MVB12B: variants seen among roughly 807,000 people sequenced by gnomAD.
MVB12B encodes ESCRT-I complex subunit MVB12B.
MVB12B carries 16 observed loss-of-function variants against 41.6 expected under a neutral mutation model. The ratio of observed to expected loss-of-function variants is 0.38; its 90% CI spans 0.26 to 0.58. The LOEUF (loss-of-function observed/expected upper bound fraction) is 0.58, where lower values mean the gene tolerates loss of function less well. Among genes scored for constraint, MVB12B ranks in the 20% least tolerant of loss-of-function variants. The pLI, the probability that MVB12B is intolerant of heterozygous loss-of-function variation, is 0.62. For synonymous variants in MVB12B, 133 were observed against 139.7 expected (o/e 0.95, Z 0.34); for missense variants, 274 against 380.2 (o/e 0.72, Z 2.32).
Position 126,488,092 on chromosome 9 carries a change from T to C in MVB12B, c.873+4060T>C, listed in dbSNP as rs114245519. ...AAGTTGCTTCTTTTAGCCACTGAACTCGGCATTGCTCGTGGGAGTTGGGGG... is the reference window on the plus strand; with the variant it reads ...AAGTTGCTTCTTTTAGCCACTGAACCCGGCATTGCTCGTGGGAGTTGGGGG... On this transcript the variant is annotated intron_variant, in intron 9 of 9. Transcript: ENST00000361171. 8.5e-4 allele frequency among the ~76,000 whole-genome samples: 129 copies of C among 152,254 alleles called. 2 individuals are homozygous for C. Among genetic ancestry groups the C allele is most frequent in the Middle Eastern group, 6.8e-3 (2 of 294 alleles).
intron 7 of MVB12B, 130 bp downstream of exon 7, chr9:126,422,078 T>G: frequency 5.9e-6 from 4 of 672,602 alleles, no homozygotes; most frequent in Non-Finnish European, 5.3e-6. Flanking sequence ...AGGGGACCTG[T>G]TCCCTGCAGG....
At chr9:126,476,612 C>T (rs1171792317) in intron 7 of MVB12B, among the ~76,000 whole-genome samples, 2 of 152,158 alleles carry the variant, frequency 1.3e-5, no homozygotes, top group African/African-American at 4.8e-5. Context: ...CGCGGTGGCT[C>T]ACGCCTGTAA....
chr9:126,391,636 G>GT lies in MVB12B; in HGVS notation c.410-430_410-429insT, dbSNP rs1830956442. On this transcript the variant is annotated intron_variant, in intron 4 of 9. Coordinates refer to ENST00000361171, the MANE Select transcript of MVB12B (RefSeq NM_033446.3). The surrounding 1 kb of genome is among the most constrained non-coding windows in gnomAD (Gnocchi z 4.4). ...GTCCATTGTGCACAGCATTGACACT[G>GT]GGTGACGGGAACACGTGGATTCATT... is the stretch of plus-strand genomic sequence containing the variant. Among the ~76,000 whole-genome samples the GT allele has an allele frequency of 6.6e-6, 1 of 152,212 alleles. No homozygotes were observed. Among genetic ancestry groups the GT allele is most frequent in the African/African-American group, 2.4e-5 (1 of 41,452 alleles).
At chr9:126,423,573 T>C (rs954476470) in intron 7 of MVB12B, among the ~76,000 whole-genome samples, 2 of 152,250 alleles carry the variant, frequency 1.3e-5, no homozygotes. Flanking sequence ...TAGTTGAGGC[T>C]ACAGCCCACG....
intron 7 of MVB12B, among the ~76,000 whole-genome samples, chr9:126,450,514 C>A (rs372751495): frequency 6.6e-6 from 1 of 152,188 alleles, no homozygotes. Flanking sequence ...CTGCTCCATC[C>A]CCATGTGAGG....
intron 7 of MVB12B, among the ~76,000 whole-genome samples, chr9:126,466,071 A>G (rs2119183135): frequency 6.6e-6 from 1 of 152,380 alleles, no homozygotes; most frequent in Non-Finnish European, 1.5e-5. Context: ...GTTGCATAAC[A>G]AACCACCCTA....
intron 6 of MVB12B, among the ~76,000 whole-genome samples, chr9:126,398,331 C>G (rs554095890): frequency 6.6e-6 from 1 of 152,194 alleles, no homozygotes; most frequent in South Asian, 2.1e-4. Flanking sequence ...TCCCTGGCAA[C>G]CCCTCCAGAC....
intron 2 of MVB12B, among the ~76,000 whole-genome samples, chr9:126,349,568 T>C (rs997145790): frequency 7.9e-5 from 12 of 152,200 alleles, no homozygotes; most frequent in African/African-American, 2.9e-4. Context: ...AATTCTGGCA[T>C]TTGAAGAATC....
chr9:126,366,957 C>G (rs566903471), intron 2 of MVB12B, among the ~76,000 whole-genome samples: 2 of 152,196 alleles, frequency 1.3e-5, no homozygotes, highest in Non-Finnish European at 2.9e-5. Flanking sequence ...CTTACCACTC[C>G]CAATAGAAGA....
chr9:126,340,692 G>C lies in MVB12B; in HGVS notation c.204+62G>C. On this transcript the variant is annotated intron_variant, in intron 2 of 9. Transcript: ENST00000361171. The surrounding 1 kb of genome is among the most constrained non-coding windows in gnomAD (Gnocchi z 4.0). ...GATTCTACAAGTATTTATCTCCTGT[G>C]TCCAAGACCTTCTGGCCCTTGCGTG... 1 of 1,580,698 alleles carries C rather than the reference G, an allele frequency of 6.3e-7. No homozygotes were observed. Among genetic ancestry groups the C allele is most frequent in the Non-Finnish European group, 8.7e-7 (1 of 1,154,210 alleles).
At chr9:126,456,367 GA>G (rs1230014885) in intron 7 of MVB12B, among the ~76,000 whole-genome samples, 1 of 152,148 alleles carries the variant, frequency 6.6e-6, no homozygotes, top group Non-Finnish European at 1.5e-5. Context: ...GAACTTGTTA[GA>G]ACTAATGGTT....
chr9:126,381,657 G>A (rs928647134), intron 3 of MVB12B, among the ~76,000 whole-genome samples: 3 of 151,616 alleles, frequency 2.0e-5, no homozygotes, highest in African/African-American at 7.3e-5. Context: ...ATTGACTCAT[G>A]TAGATTTCTC....
At chr9:126,406,285 C>T (rs911532029) in intron 6 of MVB12B, among the ~76,000 whole-genome samples, 6 of 152,186 alleles carry the variant, frequency 3.9e-5, no homozygotes, top group South Asian at 2.1e-4. Flanking sequence ...CAAAAATCAC[C>T]GTCCAGCCTG....
intron 7 of MVB12B, among the ~76,000 whole-genome samples, chr9:126,476,708 C>G (rs1833428583): frequency 6.6e-6 from 1 of 151,728 alleles, no homozygotes; most frequent in Non-Finnish European, 1.5e-5. Flanking sequence ...AACCCTGTAT[C>G]TACTAAAAAT....
At chr9:126,328,200 A>G (rs550605922) in intron 1 of MVB12B, among the ~76,000 whole-genome samples, 17 of 152,120 alleles carry the variant, frequency 1.1e-4, no homozygotes, top group Non-Finnish European at 2.2e-4. Flanking sequence ...GTCCTTGGAG[A>G]TACTGTACCA....
Position 126,505,330 on chromosome 9 carries a change from C to G in MVB12B, c.*2067C>G, listed in dbSNP as rs1834043164. On this transcript the variant is annotated 3_prime_UTR_variant, in exon 10 of 10. Transcript: ENST00000361171. The stretch of plus-strand genomic sequence containing the variant: ...GCTGCAGGAGAGGAAGGGGCTCCCA[C>G]AGCCCCCACTGATGCCGCTGCAGGC... 6.6e-6 allele frequency: 1 copy of G among 152,182 alleles called. No homozygotes were observed. Among genetic ancestry groups the G allele is most frequent in the Admixed American group, 6.5e-5 (1 of 15,292 alleles). The allele number at this position is 152,182 out of a possible 1,614,324, so 9.4% of individuals were successfully genotyped here.
At chr9:126,423,095 T>C (rs1183233950) in intron 7 of MVB12B, among the ~76,000 whole-genome samples, 2 of 152,208 alleles carry the variant, frequency 1.3e-5, no homozygotes, top group African/African-American at 4.8e-5. Flanking sequence ...TGTGGAAAGA[T>C]GACCTATTTT....
chr9:126,446,939 T>A (rs1379624316), intron 7 of MVB12B, among the ~76,000 whole-genome samples: 1 of 4,678 alleles, frequency 2.1e-4, no homozygotes, highest in South Asian at 0.022. Context: ...TTTAACTTTC[T>A]TTTTTTTTTT....
intron 7 of MVB12B, among the ~76,000 whole-genome samples, chr9:126,466,868 C>T (rs1439681247): frequency 1.3e-5 from 2 of 152,038 alleles, no homozygotes; most frequent in East Asian, 1.9e-4. Context: ...GGCTCTATCG[C>T]CCAGGCTGGA....
Sources: gnomAD v4.1 joint callset for allele counts (sites outside exome capture counted in the v4.1 genomes callset) on GRCh38, gnomAD v4.1.1 for gene constraint, Gnocchi (gnomAD v3.1) non-coding constraint, MANE v1.5 for transcripts, NCBI Gene and HGNC (gene_info 2026-07-23, HGNC 2026-07-21) for gene names.